Variants in CCSER2 observed in about 807,000 individuals in gnomAD.
The protein encoded by CCSER2 is serine-rich coiled-coil domain-containing protein 2.
CCSER2 carries 46 observed loss-of-function variants against 92.3 expected under a neutral mutation model. The ratio of observed to expected loss-of-function variants is 0.50; its 90% CI spans 0.39 to 0.64. CCSER2 has a LOEUF of 0.64. Among genes scored for constraint, CCSER2 ranks in the 30% least tolerant of loss-of-function variants. The pLI is 0.00. For synonymous variants in CCSER2, 433 were observed against 431.4 expected (o/e 1.00, Z -0.04); for missense variants, 1,244 against 1,238.9 (o/e 1.00, Z -0.06).
intron 6 of CCSER2, among the ~76,000 whole-genome samples, chr10:84,444,374 G>A (rs766866579): frequency 6.4e-4 from 97 of 152,130 alleles, no homozygotes; most frequent in Non-Finnish European, 1.5e-4. Flanking sequence ...TATTTAGGAG[G>A]CTGTTGCATC....
chr10:84,453,227 A>G (rs1412260038), intron 6 of CCSER2, among the ~76,000 whole-genome samples: 1 of 152,016 alleles, frequency 6.6e-6, no homozygotes, highest in Non-Finnish European at 1.5e-5. Context: ...CTAATTTCTA[A>G]TTTTTAAATT....
intron 3 of CCSER2, among the ~76,000 whole-genome samples, chr10:84,381,917 C>CAAAAAAAAA (rs544545707): frequency 8.3e-6 from 1 of 120,074 alleles, no homozygotes; most frequent in African/African-American, 3.0e-5. Context: ...AAGGCTTTCT[C>CAAAAAAAAA]AAAAAAAAAA....
chr10:84,349,891 C>G (rs187623939), intron 1 of CCSER2, among the ~76,000 whole-genome samples: 1 of 152,164 alleles, frequency 6.6e-6, no homozygotes, highest in Non-Finnish European at 1.5e-5. Context: ...CAGTGGCTCA[C>G]GCCTGTAATC....
intron 4 of CCSER2, among the ~76,000 whole-genome samples, chr10:84,423,866 C>T (rs1843280149): frequency 1.3e-5 from 2 of 151,390 alleles, no homozygotes; most frequent in African/African-American, 2.4e-5. Context: ...AATCTTGAAG[C>T]CTGGGCATGG....
intron 4 of CCSER2, among the ~76,000 whole-genome samples, chr10:84,423,982 T>TTA (rs1554845981): frequency 4.6e-5 from 5 of 108,178 alleles, no homozygotes; most frequent in African/African-American, 1.5e-4. Context: ...CCCCATCTCT[T>TTA]AAAAAAAAAA....
chr10:84,495,665 TC>T (rs1162283736), intron 9 of CCSER2, among the ~76,000 whole-genome samples: 2 of 152,150 alleles, frequency 1.3e-5, no homozygotes, highest in Non-Finnish European at 2.9e-5. Context: ...CACTGTGTCT[TC>T]TTGGTAGATT....
At chr10:84,341,711 G>T (rs1844198233) in intron 1 of CCSER2, among the ~76,000 whole-genome samples, 1 of 152,140 alleles carries the variant, frequency 6.6e-6, no homozygotes, top group Admixed American at 6.5e-5. Flanking sequence ...GTTGTGACCT[G>T]TGTCTATGAC....
At chr10:84,358,791 A>G (rs1845342144) in intron 1 of CCSER2, among the ~76,000 whole-genome samples, 1 of 152,066 alleles carries the variant, frequency 6.6e-6, no homozygotes, top group African/African-American at 2.4e-5. Context: ...TCAGGTACAG[A>G]AGTTCATTTA....
chr10:84,335,226 CTCTTT>C (rs1404701072), intron 1 of CCSER2, among the ~76,000 whole-genome samples: 24 of 95,072 alleles, frequency 2.5e-4, no homozygotes, highest in Non-Finnish European at 4.2e-4. Context: ...TTCTCTCTCT[CTCTTT>C]TTTTTTTTTT....
intron 1 of CCSER2, among the ~76,000 whole-genome samples, chr10:84,358,190 GC>G (rs1845294140): frequency 6.6e-6 from 1 of 152,192 alleles, no homozygotes; most frequent in Admixed American, 6.5e-5. Flanking sequence ...CCGTTGAGAA[GC>G]CAGATGGTGA....
intron 3 of CCSER2, among the ~76,000 whole-genome samples, chr10:84,411,990 C>T (rs1344978773): frequency 6.6e-6 from 1 of 151,994 alleles, no homozygotes; most frequent in Non-Finnish European, 1.5e-5. Context: ...TCCTTCACTG[C>T]CTAGTTTATT....
intron 1 of CCSER2, among the ~76,000 whole-genome samples, chr10:84,356,291 A>G (rs1845167577): frequency 6.6e-6 from 1 of 152,102 alleles, no homozygotes; most frequent in Non-Finnish European, 1.5e-5. Flanking sequence ...GGTATTTGGC[A>G]AATCAAGCAG....
At chr10:84,393,208 G>T (rs892164731) in intron 3 of CCSER2, among the ~76,000 whole-genome samples, 13 of 152,208 alleles carry the variant, frequency 8.5e-5, no homozygotes, top group Middle Eastern at 3.4e-3. Flanking sequence ...ATATTGCATT[G>T]TGTGTAACCT....
In CCSER2 at chr10:84,464,004, T is replaced by A; in HGVS notation, c.2136T>A (p.Asp712Glu). The change falls in exon 7 of 10, where the codon GAT becomes GAA. Residue 712 changes from aspartate to glutamate, a missense_variant. Physicochemically the swap from Asp to Glu is conservative, Grantham distance 45. Transcript: ENST00000372088. ...LPSSPEPEDGDKVYKNEDLLN... is the reference protein window; with the variant it reads ...LPSSPEPEDGEKVYKNEDLLN... ...CCAGTCCAGAACCAGAAGATGGTGATAAAGTATATAAGGTATGACTATGTA... is the reference window on the plus strand; with the variant it reads ...CCAGTCCAGAACCAGAAGATGGTGAAAAAGTATATAAGGTATGACTATGTA... 1 of 1,599,910 alleles carries A rather than the reference T, an allele frequency of 6.3e-7. No homozygotes were observed. The highest frequency in any genetic ancestry group is 8.6e-7 in the Non-Finnish European group (1 of 1,167,636).
At chr10:84,501,822 G>GGA (rs1491349170) in intron 9 of CCSER2, among the ~76,000 whole-genome samples, 2 of 29,014 alleles carry the variant, frequency 6.9e-5, no homozygotes, top group Non-Finnish European at 9.3e-5. Flanking sequence ...GTCATCTAGG[G>GGA]AAAAAAAAAA....
intron 3 of CCSER2, among the ~76,000 whole-genome samples, chr10:84,375,142 T>G (rs1484521794): frequency 6.6e-6 from 1 of 152,162 alleles, no homozygotes; most frequent in African/African-American, 2.4e-5. Flanking sequence ...CCTGACAGTT[T>G]TTGGAGGCTA....
intron 9 of CCSER2, among the ~76,000 whole-genome samples, chr10:84,510,649 A>C (rs1298833507): frequency 1.3e-5 from 2 of 152,244 alleles, no homozygotes; most frequent in Non-Finnish European, 2.9e-5. Flanking sequence ...GATGTGAGCA[A>C]GATGAATTAA....
chr10:84,488,831 A>C (rs1269536431), intron 9 of CCSER2, among the ~76,000 whole-genome samples: 1 of 152,068 alleles, frequency 6.6e-6, no homozygotes, highest in Non-Finnish European at 1.5e-5. Context: ...TTGCGATGTT[A>C]GGGTGTCAAT....
chr10:84,493,834 A>G (rs570483896), intron 9 of CCSER2, among the ~76,000 whole-genome samples: 1 of 152,328 alleles, frequency 6.6e-6, no homozygotes, highest in South Asian at 2.1e-4. Flanking sequence ...GTAATATATA[A>G]TGAAATAATT....
Sources: gnomAD v4.1 joint callset for allele counts (sites outside exome capture counted in the v4.1 genomes callset) on GRCh38, gnomAD v4.1.1 for gene constraint, MANE v1.5 for transcripts, NCBI Gene and HGNC (gene_info 2026-07-23, HGNC 2026-07-21) for gene names.